Variants in POLG2 observed in about 807,000 individuals in gnomAD.
POLG2 encodes DNA polymerase subunit gamma-2.
Under a neutral mutation model 56.5 loss-of-function variants are expected in POLG2, and 50 were observed. That is an observed-to-expected ratio of 0.88 (90% CI 0.71 to 1.12). POLG2 has a LOEUF of 1.12. Among genes scored for constraint, POLG2 ranks in the 50% most tolerant of loss-of-function variants. POLG2 has a pLI of 0.00. For synonymous variants in POLG2, 226 were observed against 222.6 expected (o/e 1.02, Z -0.14); for missense variants, 584 against 583.3 (o/e 1.00, Z -0.01).
At chr17:64,479,655 G>A (rs1167004159) in intron 7 of POLG2, among the ~76,000 whole-genome samples, 2 of 152,170 alleles carry the variant, frequency 1.3e-5, no homozygotes, top group Admixed American at 1.3e-4. Flanking sequence ...ACTAGACACA[G>A]AGAGCTCAAT....
intron 6 of POLG2, among the ~76,000 whole-genome samples, chr17:64,482,130 G>A (rs73332183): frequency 0.26 from 33,802 of 131,950 alleles, 8,844 homozygotes; most frequent in African/African-American, 0.69. Flanking sequence ...CTGAAGCAGG[G>A]TCTTGCTCTG....
chr17:64,480,379 C>T lies in POLG2; in HGVS notation c.1202G>A (p.Gly401Glu), dbSNP rs782644968. Residue 401 changes from glycine to glutamate, a missense_variant, in exon 7 of 8, where the codon GGG (glycine) becomes GAG (glutamate). Physicochemically the swap from Gly to Glu is moderately conservative, Grantham distance 98. Transcript: ENST00000539111. Reference sequence around the variant, plus strand: ...ATTTTCTAGTAACTCATTAAATAGCCCTTGACAAACCTAGAAAGAAATAGA... The same window carrying T: ...ATTTTCTAGTAACTCATTAAATAGCTCTTGACAAACCTAGAAAGAAATAGA... ...PTLELRQVCQ[G>E]LFNELLENGI... 6.6e-7 allele frequency: 1 copy of T among 1,524,132 alleles called. No individual in the cohort carries two copies. Among genetic ancestry groups the T allele is most frequent in the Non-Finnish European group, 9.1e-7 (1 of 1,100,688 alleles). The allele number at this position is 1,524,132 out of a possible 1,614,324, so 94.4% of individuals were successfully genotyped here.
rs1289947950 is a variant in POLG2 at position 64,496,758 on chromosome 17, C to CT, written c.210dup (p.Glu71ArgfsTer17). Reference sequence around the variant, plus strand: ...AGGAAATGCCTTCTCTGACAGATCTCTAACAGCGCCTCGCTTCCCTCTCCA... The same window carrying CT: ...AGGAAATGCCTTCTCTGACAGATCTCTTAACAGCGCCTCGCTTCCCTCTCCA... On this transcript the variant is annotated frameshift_variant, in exon 1 of 8. Coordinates refer to ENST00000539111, the MANE Select transcript of POLG2 (RefSeq NM_007215.4). LOFTEE classifies it high-confidence loss of function. The CT allele has an allele frequency of 6.2e-7, 1 of 1,613,912 alleles. No individual in the cohort carries two copies. Among genetic ancestry groups the CT allele is most frequent in the Non-Finnish European group, 8.5e-7 (1 of 1,180,030 alleles).
rs782720561 is a variant in POLG2 at position 64,496,765 on chromosome 17, C to T, written c.204G>A (p.Ala68=). The T allele has an allele frequency of 2.5e-6, 4 of 1,613,874 alleles. No individual in the cohort carries two copies. Among genetic ancestry groups the T allele is most frequent in the Admixed American group, 1.7e-5 (1 of 60,008 alleles). ...EAPGSGEGSE[A]LLEICQRRHF... The stretch of plus-strand genomic sequence containing the variant: ...GCCTTCTCTGACAGATCTCTAACAG[C>T]GCCTCGCTTCCCTCTCCAGACCCGG... Residue 68 remains alanine (A), a synonymous_variant, in exon 1 of 8, where the codon GCG becomes GCA. Transcript: ENST00000539111.
intron 6 of POLG2, chr17:64,481,258 T>C (rs1426513229): frequency 9.1e-6 from 9 of 984,902 alleles, no homozygotes; most frequent in Admixed American, 6.2e-5. Context: ...TGGGAGAAAA[T>C]GTGGGACATA....
At chr17:64,479,183 G>GTTTTT (rs781987286) in intron 7 of POLG2, among the ~76,000 whole-genome samples, 3 of 126,930 alleles carry the variant, frequency 2.4e-5, no homozygotes, top group African/African-American at 5.9e-5. Context: ...TCTGAAAGGT[G>GTTTTT]TTTTTTTTTT....
intron 4 of POLG2, among the ~76,000 whole-genome samples, chr17:64,489,749 C>G (rs367867702): frequency 1.5e-4 from 22 of 148,760 alleles, no homozygotes; most frequent in African/African-American, 5.3e-4. Context: ...AGAGTGAGAT[C>G]CTGTCTCAAA....
At chr17:64,478,816 G>A (rs1431740380) in intron 7 of POLG2, among the ~76,000 whole-genome samples, 1 of 152,052 alleles carries the variant, frequency 6.6e-6, no homozygotes, top group Non-Finnish European at 1.5e-5. Flanking sequence ...AGAATCGCTT[G>A]AACACGGGAG....
rs1385436858 is a variant in POLG2, at chr17:64,487,956, C to T, written c.970-2088G>A. ...ACAATATCTGATTTCTCACACTATC[C>T]AGAATAAATTCTTTTCTATCCTAAC... On this transcript the variant is annotated intron_variant, in intron 4 of 7. Transcript: ENST00000539111. Among the ~76,000 whole-genome samples, 5 of 152,208 alleles carry T rather than the reference C, an allele frequency of 3.3e-5. No homozygotes were observed. The East Asian group carries it at 7.7e-4, about 23-fold the overall frequency.
At chr17:64,483,151 T>C in intron 5 of POLG2, 152 bp from the exon 6 acceptor site, 1 of 562,870 alleles carries the variant, frequency 1.8e-6, no homozygotes, top group South Asian at 2.3e-5. Flanking sequence ...TTAGCTGAGG[T>C]CATAAAAACA....
At chr17:64,478,161 A>T (rs2144121278) in intron 7 of POLG2, among the ~76,000 whole-genome samples, 173 bp from the exon 8 acceptor site, 1 of 152,342 alleles carries the variant, frequency 6.6e-6, no homozygotes, top group African/African-American at 2.4e-5. Flanking sequence ...ATTTAAAGTA[A>T]TATTTTCAGA....
intron 6 of POLG2, chr17:64,481,354 C>T: frequency 3.0e-6 from 3 of 985,232 alleles, no homozygotes; most frequent in Non-Finnish European, 3.6e-6. Flanking sequence ...AGCTGGGGGA[C>T]TCTCAAAGTC....
intron 1 of POLG2, 32 bp downstream of exon 1, chr17:64,496,375 C>T (rs782236154): frequency 7.6e-6 from 11 of 1,441,846 alleles, no homozygotes; most frequent in Non-Finnish European, 1.0e-5. Flanking sequence ...CCACCCGACA[C>T]CTGTTTTGAA....
chr17:64,484,882 A>T (rs1438291954), intron 5 of POLG2, among the ~76,000 whole-genome samples: 1 of 152,132 alleles, frequency 6.6e-6, no homozygotes, highest in Non-Finnish European at 1.5e-5. Flanking sequence ...TTATTTGTTA[A>T]AACTTTTGAT....
At chr17:64,489,085 GC>G (rs2038010851) in intron 4 of POLG2, among the ~76,000 whole-genome samples, 1 of 146,914 alleles carries the variant, frequency 6.8e-6, no homozygotes, top group Non-Finnish European at 1.5e-5. Flanking sequence ...GAGTGCAGCA[GC>G]ACAGTCTTGG....
At chr17:64,489,760 T>C (rs1555668166) in intron 4 of POLG2, among the ~76,000 whole-genome samples, 2 of 134,946 alleles carry the variant, frequency 1.5e-5, no homozygotes, top group Non-Finnish European at 3.2e-5. Flanking sequence ...CTGTCTCAAA[T>C]AAAGAAAAAA....
chr17:64,485,653 G>T, intron 5 of POLG2, 75 bp downstream of exon 5: 2 of 1,146,214 alleles, frequency 1.7e-6, no homozygotes, highest in South Asian at 1.2e-5. Context: ...GTTAGAAACC[G>T]AGCACACTAA....
At chr17:64,487,301 T>C (rs1473869472) in intron 4 of POLG2, 2 of 152,194 alleles carry the variant, frequency 1.3e-5, no homozygotes, top group Non-Finnish European at 2.9e-5. Context: ...CACACAGTTA[T>C]CGTCGAACTG....
intron 4 of POLG2, among the ~76,000 whole-genome samples, chr17:64,486,655 C>T (rs534695753): frequency 1.3e-5 from 2 of 152,206 alleles, no homozygotes; most frequent in South Asian, 2.1e-4. Flanking sequence ...TGAGCCACTG[C>T]GCCCTACCTC....
Sources: gnomAD v4.1 joint callset for allele counts (sites outside exome capture counted in the v4.1 genomes callset) on GRCh38, gnomAD v4.1.1 for gene constraint, MANE v1.5 for transcripts, NCBI Gene and HGNC (gene_info 2026-07-23, HGNC 2026-07-21) for gene names.